CAMK2D: variants seen among roughly 807,000 people sequenced by gnomAD.
CAMK2D encodes calcium/calmodulin-dependent protein kinase type II subunit delta.
In CAMK2D, 37 loss-of-function variants were observed where a neutral mutation model predicts 84.0. That is an observed-to-expected ratio of 0.44 (90% confidence interval 0.34 to 0.58). CAMK2D has a LOEUF of 0.58. Ranked by LOEUF, CAMK2D falls within the 20% of genes least tolerant of loss-of-function variation. The pLI, the probability that CAMK2D is intolerant of heterozygous loss-of-function variation, is 0.02. For missense variants in CAMK2D, 448 were observed against 652.5 expected (o/e 0.69, Z 3.41); for synonymous variants, 202 against 212.5 (o/e 0.95, Z 0.43).
intron 4 of CAMK2D, among the ~76,000 whole-genome samples, chr4:113,598,083 T>C (rs1224721130): frequency 1.3e-5 from 2 of 152,102 alleles, no homozygotes; most frequent in Non-Finnish European, 2.9e-5. Flanking sequence ...CAAGAGAATA[T>C]TGATGGAAAA....
At chr4:113,669,277 T>A (rs2154322015) in intron 2 of CAMK2D, among the ~76,000 whole-genome samples, 1 of 152,332 alleles carries the variant, frequency 6.6e-6, no homozygotes, top group South Asian at 2.1e-4. Flanking sequence ...TTATTTAATG[T>A]CTGATTATAT....
At chr4:113,750,687 C>T (rs6812422) in intron 2 of CAMK2D, among the ~76,000 whole-genome samples, 50,257 of 152,032 alleles carry the variant, frequency 0.33, 9,809 homozygotes, top group Admixed American at 0.48. Flanking sequence ...CTATTATCTA[C>T]CAAACCCATT....
At chr4:113,754,317 A>T in intron 2 of CAMK2D, 1 of 980,186 alleles carries the variant, frequency 1.0e-6, no homozygotes, top group Non-Finnish European at 1.2e-6. Context: ...CTATGAGTCA[A>T]CCTCAGTATA....
chr4:113,519,520 T>TA (rs77557990), intron 8 of CAMK2D, among the ~76,000 whole-genome samples: 6,333 of 149,512 alleles, frequency 0.042, 386 homozygotes, highest in East Asian at 0.22. Context: ...CCCAAAGACT[T>TA]AAAAAAAAAA....
intron 16 of CAMK2D, among the ~76,000 whole-genome samples, chr4:113,471,913 A>C (rs1220687696): frequency 6.6e-6 from 1 of 150,868 alleles, no homozygotes; most frequent in African/African-American, 2.5e-5. Context: ...TTTGTCCTCT[A>C]GGGCTTTTAT....
At chr4:113,662,973 T>G (rs1327748818) in intron 2 of CAMK2D, among the ~76,000 whole-genome samples, 5 of 152,166 alleles carry the variant, frequency 3.3e-5, no homozygotes, top group Non-Finnish European at 5.9e-5. Context: ...ATAGTGCTAT[T>G]AATAACTCAA....
At chr4:113,588,416 C>T (rs776424306) in intron 4 of CAMK2D, among the ~76,000 whole-genome samples, 1 of 152,236 alleles carries the variant, frequency 6.6e-6, no homozygotes, top group South Asian at 2.1e-4. Context: ...GACAACACTG[C>T]CTCTATTTAG....
chr4:113,615,262 T>G (rs2099016563), intron 3 of CAMK2D, among the ~76,000 whole-genome samples: 2 of 152,026 alleles, frequency 1.3e-5, no homozygotes, highest in Non-Finnish European at 2.9e-5. Flanking sequence ...ATTTGTAAAT[T>G]AAAAATAATA....
chr4:113,518,317 TAATAAC>T (rs2154170970), intron 8 of CAMK2D, among the ~76,000 whole-genome samples: 1 of 152,234 alleles, frequency 6.6e-6, no homozygotes, highest in East Asian at 1.9e-4. Flanking sequence ...TTCAAAGTAA[TAATAAC>T]AATAAACACA....
At chr4:113,741,228 A>T (rs575746932) in intron 2 of CAMK2D, among the ~76,000 whole-genome samples, 76 of 152,142 alleles carry the variant, frequency 5.0e-4, no homozygotes, top group Non-Finnish European at 1.0e-3. Context: ...TTAAGTGCAA[A>T]GGTGAAAGTT....
At chr4:113,500,632 G>A (rs973865045) in intron 15 of CAMK2D, 121 bp from the exon 16 acceptor site, 2 of 557,098 alleles carry the variant, frequency 3.6e-6, no homozygotes, top group African/African-American at 3.8e-5. Context: ...TGCATATGCT[G>A]ACATGCAAAT....
intron 3 of CAMK2D, among the ~76,000 whole-genome samples, chr4:113,659,294 C>T (rs1296891140): frequency 6.6e-6 from 1 of 152,154 alleles, no homozygotes; most frequent in South Asian, 2.1e-4. Context: ...TTATCTTAAA[C>T]CTGAGCAAGA....
In CAMK2D at chr4:113,678,516, A is replaced by T. The variant is rs2099328097; in HGVS notation, c.161-16744T>A. Among the ~76,000 whole-genome samples the T allele has an allele frequency of 4.6e-5, 7 of 151,958 alleles. No homozygotes were observed. In the South Asian group the frequency reaches 1.5e-3, roughly 32 times the overall value. ...TGACACATATTATAATAATTGGGGTATCAAGTGATATTTGATACCTGCATA... is the reference window on the plus strand; with the variant it reads ...TGACACATATTATAATAATTGGGGTTTCAAGTGATATTTGATACCTGCATA... On this transcript the variant is annotated intron_variant, in intron 2 of 20. Transcript: ENST00000511664.
intron 14 of CAMK2D, among the ~76,000 whole-genome samples, chr4:113,504,423 CATA>C (rs1465535701): frequency 6.6e-6 from 1 of 152,138 alleles, no homozygotes; most frequent in Non-Finnish European, 1.5e-5. Flanking sequence ...TAATTTAAAA[CATA>C]ATAAACAGAA....
At chr4:113,521,210 CA>C (rs779783605) in intron 8 of CAMK2D, among the ~76,000 whole-genome samples, 3 of 152,170 alleles carry the variant, frequency 2.0e-5, no homozygotes, top group Non-Finnish European at 2.9e-5. Context: ...CAACATCCCC[CA>C]AAGGTTAGGA....
intron 2 of CAMK2D, chr4:113,753,935 A>G (rs2099622791): frequency 2.0e-6 from 2 of 983,020 alleles, no homozygotes; most frequent in Middle Eastern, 5.2e-4. Context: ...TACTTTATTC[A>G]TGCTTGAATT....
At position 113,761,641 on chromosome 4, in the gene CAMK2D, T is replaced by G; in HGVS notation, c.-573A>C. Reference sequence around the variant, plus strand: ...CGTGCGCGCCCGAGGCCGGCTTCCCTCCGGCGGGCGGCAGCGGCTCCGGCG... The same window carrying G: ...CGTGCGCGCCCGAGGCCGGCTTCCCGCCGGCGGGCGGCAGCGGCTCCGGCG... On this transcript the variant is annotated 5_prime_UTR_variant, in exon 1 of 21. Coordinates refer to ENST00000511664, the MANE Select transcript of CAMK2D (RefSeq NM_001321571.2). The G allele has an allele frequency of 1.0e-6, 1 of 985,010 alleles. No individual in the cohort carries two copies. The highest frequency in any genetic ancestry group is 1.2e-6 in the Non-Finnish European group (1 of 829,802). 61.0% of individuals were successfully genotyped at this position (985,010 alleles called of 1,614,324 possible).
At chr4:113,468,605 T>G (rs2097506686) in intron 16 of CAMK2D, among the ~76,000 whole-genome samples, 1 of 152,116 alleles carries the variant, frequency 6.6e-6, no homozygotes, top group Non-Finnish European at 1.5e-5. Flanking sequence ...GAGCGAGGGT[T>G]TGGTGTTAGC....
chr4:113,670,978 C>A (rs2099279358), intron 2 of CAMK2D, among the ~76,000 whole-genome samples: 3 of 151,792 alleles, frequency 2.0e-5, no homozygotes, highest in Admixed American at 6.6e-5. Context: ...TTTCCAGTGG[C>A]CCCAATGATT....
Sources: allele counts gnomAD v4.1 joint callset (sites outside exome capture counted in the v4.1 genomes callset), GRCh38; gene constraint gnomAD v4.1.1; transcripts MANE v1.5; gene names NCBI Gene and HGNC (gene_info 2026-07-23, HGNC 2026-07-21).